MRGPRX1: variants seen among roughly 807,000 people sequenced by gnomAD.
MRGPRX1 encodes MAS related GPR family member X1.
For missense variants in MRGPRX1, 411 were observed against 393.8 expected (o/e 1.04, Z -0.37); for synonymous variants, 208 against 170.4 (o/e 1.22, Z -1.72).
At position 18,934,749 on chromosome 11, in the gene MRGPRX1, C is replaced by T. The variant is rs776173415; in HGVS notation, c.36G>A (p.Leu12=). The T allele has an allele frequency of 6.3e-7, 1 of 1,598,060 alleles. No individual in the cohort carries two copies. Residue 12 remains leucine, a synonymous_variant, in exon 2 of 2, where the codon CTG becomes CTA. Transcript: ENST00000526914. ...TCTCCTCAGTTCCGTTGATTGGTGT[C>T]AGTTCTGTGTCCAAGGTTGAGATGG... The part of the protein sequence containing the change: ...DPTISTLDTE[L]TPINGTEETL...
chr11:18,936,289 T>C (rs557374856), intron 1 of MRGPRX1, among the ~76,000 whole-genome samples: 1 of 148,846 alleles, frequency 6.7e-6, no homozygotes, highest in African/African-American at 2.5e-5. Context: ...GGCGGCAAAA[T>C]TGTGGGTTGA....
Position 18,933,892 on chromosome 11 carries a change from G to A in MRGPRX1, c.893C>T (p.Ala298Val), listed in dbSNP as rs183845903. The A allele has an allele frequency of 5.0e-6, 8 of 1,610,846 alleles. No individual in the cohort carries two copies. The highest frequency in any genetic ancestry group is 2.2e-5 in the South Asian group (2 of 90,812). ...KLVLQRALQD[A>V]SEVDEGGGQL... Reference sequence around the variant, plus strand: ...CCCTCCACCTTCATCCACCTCAGACGCGTCCTGCAGAGCCCTCTGGAGAAC... The same window carrying A: ...CCCTCCACCTTCATCCACCTCAGACACGTCCTGCAGAGCCCTCTGGAGAAC... Residue 298 changes from alanine to valine, a missense_variant, in exon 2 of 2, where the codon GCG becomes GTG. Physicochemically the swap from Ala to Val is moderately conservative, Grantham distance 64. Coordinates refer to ENST00000526914, the MANE Select transcript of MRGPRX1 (RefSeq NM_001393578.1).
At chr11:18,939,205 C>T (rs1848863230) in intron 1 of MRGPRX1, 75 bp downstream of exon 1, 1 of 151,630 alleles carries the variant, frequency 6.6e-6, no homozygotes, top group African/African-American at 2.4e-5. Context: ...GCCTGTAGCA[C>T]CTAGGTGGAA....
intron 1 of MRGPRX1, among the ~76,000 whole-genome samples, chr11:18,938,634 C>T (rs998052398): frequency 4.0e-5 from 6 of 151,474 alleles, no homozygotes; most frequent in Admixed American, 6.6e-5. Context: ...GTGTGTTGGC[C>T]GTGCAAGGCT....
intron 1 of MRGPRX1, among the ~76,000 whole-genome samples, chr11:18,937,670 C>T (rs902897764): frequency 6.6e-6 from 1 of 151,608 alleles, no homozygotes; most frequent in African/African-American, 2.4e-5. Flanking sequence ...CAGTTTCCAC[C>T]TGTGGGTTGT....
intron 1 of MRGPRX1, among the ~76,000 whole-genome samples, chr11:18,938,912 T>G (rs1848861165): frequency 6.6e-6 from 1 of 151,598 alleles, no homozygotes. Flanking sequence ...AGGCAAGGAA[T>G]AATAATTTAG....
chr11:18,935,487 C>G (rs1033491927), intron 1 of MRGPRX1, among the ~76,000 whole-genome samples: 6 of 151,394 alleles, frequency 4.0e-5, no homozygotes, highest in Non-Finnish European at 8.8e-5. Flanking sequence ...ATTAGAACAC[C>G]CATGTTTAAT....
chr11:18,935,788 C>G (rs1278449560), intron 1 of MRGPRX1, among the ~76,000 whole-genome samples: 1 of 151,132 alleles, frequency 6.6e-6, no homozygotes, highest in South Asian at 2.2e-4. Context: ...CTGTGGGGCA[C>G]TACTGAGTAT....
chr11:18,937,929 G>A (rs1242123221), intron 1 of MRGPRX1, among the ~76,000 whole-genome samples: 1 of 151,620 alleles, frequency 6.6e-6, no homozygotes, highest in African/African-American at 2.4e-5. Flanking sequence ...AAATGAGACA[G>A]GAATCAATCA....
In MRGPRX1 at chr11:18,933,898, T is replaced by C; in HGVS notation, c.887A>G (p.Gln296Arg). 1 of 1,610,898 alleles carries C rather than the reference T, an allele frequency of 6.2e-7. No individual in the cohort carries two copies. Among genetic ancestry groups the C allele is most frequent in the Non-Finnish European group, 8.5e-7 (1 of 1,178,212 alleles). ...ACCTTCATCCACCTCAGACGCGTCCTGCAGAGCCCTCTGGAGAACCAGCTT... is the reference window on the plus strand; with the variant it reads ...ACCTTCATCCACCTCAGACGCGTCCCGCAGAGCCCTCTGGAGAACCAGCTT... ...NLKLVLQRAL[Q>R]DASEVDEGGG... Residue 296 changes from glutamine to arginine, a missense_variant, in exon 2 of 2, where the codon CAG becomes CGG. Coordinates refer to ENST00000526914, the MANE Select transcript of MRGPRX1 (RefSeq NM_001393578.1).
intron 1 of MRGPRX1, chr11:18,935,064 C>A: frequency 2.6e-6 from 1 of 381,798 alleles, no homozygotes; most frequent in East Asian, 5.2e-5. Context: ...AAAACACCCC[C>A]ACTCATCTAG....
rs531365840 is a variant in MRGPRX1 at position 18,933,752 on chromosome 11, A to G, written c.*64T>C. 1.3e-6 allele frequency: 2 copies of G among 1,527,970 alleles called. No homozygotes were observed. The highest frequency in any genetic ancestry group is 1.8e-6 in the Non-Finnish European group (2 of 1,139,976). 94.7% of individuals were successfully genotyped at this position (1,527,970 alleles called of 1,614,324 possible). A position where few individuals can be genotyped will look rare whatever the true frequency, so the allele number is the denominator to read the frequency against. ...CAGAAGGCTAAGAAAAACGCATATA[A>G]TTGTCAAGGGTGGCAGGGCAGTGTT... is the stretch of plus-strand genomic sequence containing the variant. On this transcript the variant is annotated 3_prime_UTR_variant, in exon 2 of 2. Transcript: ENST00000526914.
intron 1 of MRGPRX1, among the ~76,000 whole-genome samples, chr11:18,936,031 C>T (rs1054469444): frequency 7.9e-5 from 12 of 151,394 alleles, no homozygotes; most frequent in African/African-American, 2.9e-4. Flanking sequence ...TAGGTATTGT[C>T]TGTTTTAATT....
chr11:18,938,178 CCT>C (rs1329492954), intron 1 of MRGPRX1, among the ~76,000 whole-genome samples: 1 of 151,550 alleles, frequency 6.6e-6, no homozygotes, highest in Non-Finnish European at 1.5e-5. Context: ...GGGATTTCCA[CCT>C]CCTGGCTCTC....
rs1290117962 is a variant in MRGPRX1 at position 18,934,413 on chromosome 11, G to A, written c.372C>T (p.Val124=). Residue 124 remains valine, a synonymous_variant, in exon 2 of 2, where the codon GTC becomes GTT. Transcript: ENST00000526914. ...SAVSTERCLS[V]LWPIWYRCHR... ...GGCAGCGGTACCAGATGGGCCACAG[G>A]ACGGACAGGCAGCGCTCGGTGCTCA... 5.0e-6 allele frequency: 8 copies of A among 1,610,818 alleles called. No homozygotes were observed. Among genetic ancestry groups the A allele is most frequent in the Non-Finnish European group, 6.8e-6 (8 of 1,178,154 alleles).
chr11:18,934,817 CAG>C lies in MRGPRX1; in HGVS notation c.-25-10_-25-9del, dbSNP rs1178757514. The stretch of plus-strand genomic sequence containing the variant: ...AACCCTAGTCTGGTGACCCTGGAAA[CAG>C]AAACCAGTTGTGATCACCAGCTGTA... On this transcript the variant is annotated splice_polypyrimidine_tract_variant and intron_variant, in intron 1 of 1. Transcript: ENST00000526914. The C allele has an allele frequency of 6.5e-7, 1 of 1,533,874 alleles. No homozygotes were observed. The highest frequency in any genetic ancestry group is 2.3e-5 in the East Asian group (1 of 44,096).
At position 18,934,762 on chromosome 11, in the gene MRGPRX1, A is replaced by G. The variant is rs1168286689; in HGVS notation, c.23T>C (p.Leu8Ser). 2 of 1,588,206 alleles carry G rather than the reference A, an allele frequency of 1.3e-6. No homozygotes were observed. Among genetic ancestry groups the G allele is most frequent in the Admixed American group, 1.8e-5 (1 of 56,654 alleles). MDPTIST[L>S]DTELTPINGT... ...GTTGATTGGTGTCAGTTCTGTGTCC[A>G]AGGTTGAGATGGTTGGATCCATGCT... is the stretch of plus-strand genomic sequence containing the variant. Residue 8 changes from leucine to serine, a missense_variant, in exon 2 of 2, where the codon TTG becomes TCG. Coordinates refer to ENST00000526914, the MANE Select transcript of MRGPRX1 (RefSeq NM_001393578.1).
chr11:18,937,003 T>G (rs1848846334), intron 1 of MRGPRX1, among the ~76,000 whole-genome samples: 1 of 151,364 alleles, frequency 6.6e-6, no homozygotes, highest in Non-Finnish European at 1.5e-5. Context: ...AAGAGACTGC[T>G]AGGTTGCCCC....
intron 1 of MRGPRX1, 76 bp from the exon 2 acceptor site, chr11:18,934,885 A>ACTTCCTCATTTT (rs1374528967): frequency 7.7e-6 from 11 of 1,426,110 alleles, no homozygotes; most frequent in Non-Finnish European, 1.0e-5. Context: ...TGTGGGATTT[A>ACTTCCTCATTTT]CTTCCTCATT....
Sources: allele counts gnomAD v4.1 joint callset (sites outside exome capture counted in the v4.1 genomes callset), GRCh38; gene constraint gnomAD v4.1.1; transcripts MANE v1.5; gene names NCBI Gene and HGNC (gene_info 2026-07-23, HGNC 2026-07-21).